Variants in PPARA observed in about 807,000 individuals in gnomAD.
The protein encoded by PPARA is peroxisome proliferator activated receptor alpha.
A neutral mutation model predicts 42.2 loss-of-function variants in PPARA; 22 were observed. That is an observed-to-expected ratio of 0.52 (90% CI 0.37 to 0.74). PPARA has a LOEUF of 0.74. PPARA is among the 30% of genes least tolerant of loss of function. PPARA has a pLI of 0.00. For missense variants in PPARA, 465 were observed against 608.2 expected (o/e 0.76, Z 2.48); for synonymous variants, 242 against 239.3 (o/e 1.01, Z -0.10).
chr22:46,212,792 T>C lies in PPARA; in HGVS notation c.209-2381T>C, dbSNP rs1407000091. ...GGGCAGATCACTTGAGGTCAGGAGT[T>C]TGAGACCAGCCTGGCCAACATGGTG... is the stretch of plus-strand genomic sequence containing the variant. On this transcript the variant is annotated intron_variant, in intron 4 of 8. Coordinates refer to ENST00000407236, the MANE Select transcript of PPARA (RefSeq NM_005036.6). The surrounding 1 kb of genome is among the most constrained non-coding windows in gnomAD (Gnocchi z 4.2). 1.3e-5 allele frequency among the ~76,000 whole-genome samples: 2 copies of C among 152,160 alleles called. 1 individual carries two copies. Among genetic ancestry groups the C allele is most frequent in the Non-Finnish European group, 2.9e-5 (2 of 68,016 alleles).
chr22:46,228,149 C>A (rs1008746546), intron 7 of PPARA, among the ~76,000 whole-genome samples: 1 of 152,216 alleles, frequency 6.6e-6, no homozygotes, highest in Admixed American at 6.5e-5. Context: ...CAGGGGCATG[C>A]AAGCTGTTTA....
rs1009575886 is a variant in PPARA at position 46,171,904 on chromosome 22, G to C, written c.-126-4849G>C. Among the ~76,000 whole-genome samples the C allele has an allele frequency of 5.9e-5, 9 of 152,172 alleles. No individual in the cohort carries two copies. Among genetic ancestry groups the C allele is most frequent in the African/African-American group, 1.9e-4 (8 of 41,444 alleles). The stretch of plus-strand genomic sequence containing the variant: ...GCTAAAAAGCCCCCTTGGGCAGCTT[G>C]CAGGGCCCGGGCAGAAGCTATAGGT... On this transcript the variant is annotated intron_variant, in intron 2 of 8. Coordinates refer to ENST00000407236, the MANE Select transcript of PPARA (RefSeq NM_005036.6). The surrounding 1 kb of genome is among the most constrained non-coding windows in gnomAD (Gnocchi z 5.0).
At chr22:46,154,022 T>C (rs1924877569) in intron 2 of PPARA, among the ~76,000 whole-genome samples, 1 of 152,202 alleles carries the variant, frequency 6.6e-6, no homozygotes, top group Non-Finnish European at 1.5e-5. Flanking sequence ...CTATATAATA[T>C]CCCATTGTGT....
rs942000329 is a variant in PPARA, at chr22:46,192,484, T to C, written c.-42-5858T>C. The stretch of plus-strand genomic sequence containing the variant: ...ATATAATTTGATGTCTACTTCCTCT[T>C]GTATTTGTCTGTTTTTAAGTGTTCT... On this transcript the variant is annotated intron_variant, in intron 3 of 8. Transcript: ENST00000407236. This position sits in a 1 kb window ranked among gnomAD's most constrained non-coding sequence, Gnocchi z 4.3. Among the ~76,000 whole-genome samples the C allele has an allele frequency of 1.3e-5, 2 of 152,246 alleles. No homozygotes were observed. Among genetic ancestry groups the C allele is most frequent in the African/African-American group, 2.4e-5 (1 of 41,470 alleles).
intron 4 of PPARA, among the ~76,000 whole-genome samples, chr22:46,208,373 C>G (rs1268713235): frequency 1.3e-5 from 2 of 151,956 alleles, no homozygotes; most frequent in Non-Finnish European, 2.9e-5. Context: ...CATGGTGAAA[C>G]CCCGTCCCTA....
chr22:46,150,789 T>A lies in PPARA; in HGVS notation c.-210+137T>A, dbSNP rs1305183550. On this transcript the variant is annotated intron_variant, in intron 1 of 8. Coordinates refer to ENST00000407236, the MANE Select transcript of PPARA (RefSeq NM_005036.6). This position sits in a 1 kb window ranked among gnomAD's most constrained non-coding sequence, Gnocchi z 7.5. ...GGCGGCGCATGCGCGGGGCCCGGGGTCTCGGGGTCTCCGGGTCCCGGGGAC... is the reference window on the plus strand; with the variant it reads ...GGCGGCGCATGCGCGGGGCCCGGGGACTCGGGGTCTCCGGGTCCCGGGGAC... 1 of 148,078 alleles carries A rather than the reference T, an allele frequency of 6.8e-6. No individual in the cohort carries two copies. Among genetic ancestry groups the A allele is most frequent in the African/African-American group, 2.5e-5 (1 of 39,828 alleles). The allele number at this position is 148,078 out of a possible 1,614,324, so 9.2% of individuals were successfully genotyped here.
intron 4 of PPARA, 81 bp from the exon 5 acceptor site, chr22:46,215,092 A>G: frequency 6.4e-7 from 1 of 1,552,368 alleles, no homozygotes; most frequent in Middle Eastern, 2.3e-4. Context: ...CTCGTATGCG[A>G]AATCACATCC....
In PPARA at chr22:46,238,834, AG is replaced by A. The variant is rs111770313; in HGVS notation, c.*3457del. The A allele has an allele frequency of 0.03, 4,552 of 152,390 alleles. 209 individuals are homozygous for A. The highest frequency in any genetic ancestry group is 0.096 in the African/African-American group (3,979 of 41,562). 9.4% of individuals were successfully genotyped at this position (152,390 alleles called of 1,614,324 possible). A position where few individuals can be genotyped will look rare whatever the true frequency, so the allele number is the denominator to read the frequency against. ...ACTTCCAGAGACCGGAGAACTGTGCAGGGCCTAAGGCCGTTTGGATGAATTG... is the reference window on the plus strand; with the variant it reads ...ACTTCCAGAGACCGGAGAACTGTGCAGGCCTAAGGCCGTTTGGATGAATTG... On this transcript the variant is annotated 3_prime_UTR_variant, in exon 9 of 9. Transcript: ENST00000407236. This position sits in a 1 kb window ranked among gnomAD's most constrained non-coding sequence, Gnocchi z 8.3.
chr22:46,153,440 G>T (rs1481441570), intron 2 of PPARA, among the ~76,000 whole-genome samples: 1 of 151,966 alleles, frequency 6.6e-6, no homozygotes, highest in Non-Finnish European at 1.5e-5. Context: ...AAGGGCTGAG[G>T]TTACAGGTGC....
rs1359081560 is a variant in PPARA, at chr22:46,150,710, G to T, written c.-210+58G>T. ...ACGCGCGCGGGGGTCCGCGGTCCGG[G>T]CTTCCCAGGTCCCGGGACCCGGAGG... is the stretch of plus-strand genomic sequence containing the variant. On this transcript the variant is annotated intron_variant, in intron 1 of 8. Transcript: ENST00000407236. This position sits in a 1 kb window ranked among gnomAD's most constrained non-coding sequence, Gnocchi z 7.5. 8 of 149,142 alleles carry T rather than the reference G, an allele frequency of 5.4e-5. No individual in the cohort carries two copies. The South Asian group carries it at 6.1e-4, about 11-fold the overall frequency. 9.2% of individuals were successfully genotyped at this position (149,142 alleles called of 1,614,324 possible). A position where few individuals can be genotyped will look rare whatever the true frequency, so the allele number is the denominator to read the frequency against.
chr22:46,225,509 G>A lies in PPARA; in HGVS notation c.711+5495G>A, dbSNP rs980696732. On this transcript the variant is annotated intron_variant, in intron 7 of 8. Transcript: ENST00000407236. This position sits in a 1 kb window ranked among gnomAD's most constrained non-coding sequence, Gnocchi z 4.1. ...GATGCACGCTCATGCACAAATGCAC[G>A]CACATACCCACACTCACACATCCGT... is the stretch of plus-strand genomic sequence containing the variant. Among the ~76,000 whole-genome samples, 13 of 152,048 alleles carry A rather than the reference G, an allele frequency of 8.5e-5. No homozygotes were observed. Among genetic ancestry groups the A allele is most frequent in the African/African-American group, 2.9e-4 (12 of 41,382 alleles).
Position 46,167,709 on chromosome 22 carries a change from G to T in PPARA, c.-126-9044G>T, listed in dbSNP as rs936664440. Among the ~76,000 whole-genome samples the T allele has an allele frequency of 6.6e-5, 10 of 152,074 alleles. No homozygotes were observed. The highest frequency in any genetic ancestry group is 1.5e-4 in the Non-Finnish European group (10 of 68,026). ...AGAAAACATATGAGAAAATTCTAGTGATTTGGGGTTTGGCAAAGATTCCTT... is the reference window on the plus strand; with the variant it reads ...AGAAAACATATGAGAAAATTCTAGTTATTTGGGGTTTGGCAAAGATTCCTT... On this transcript the variant is annotated intron_variant, in intron 2 of 8. Coordinates refer to ENST00000407236, the MANE Select transcript of PPARA (RefSeq NM_005036.6). The surrounding 1 kb of genome is among the most constrained non-coding windows in gnomAD (Gnocchi z 4.1).
At position 46,231,726 on chromosome 22, in the gene PPARA, G is replaced by A. The variant is rs1935885290; in HGVS notation, c.712-66G>A. The A allele has an allele frequency of 6.6e-7, 1 of 1,507,720 alleles. No individual in the cohort carries two copies. Among genetic ancestry groups the A allele is most frequent in the Non-Finnish European group, 9.1e-7 (1 of 1,097,570 alleles). The allele number at this position is 1,507,720 out of a possible 1,614,324, so 93.4% of individuals were successfully genotyped here. ...TTGGACGCAGGAGCTGCTCATTAGTGAGCTGATAGCTGGGAGCATAGCGCA... is the reference window on the plus strand; with the variant it reads ...TTGGACGCAGGAGCTGCTCATTAGTAAGCTGATAGCTGGGAGCATAGCGCA... On this transcript the variant is annotated intron_variant, in intron 7 of 8. Coordinates refer to ENST00000407236, the MANE Select transcript of PPARA (RefSeq NM_005036.6). The surrounding 1 kb of genome is among the most constrained non-coding windows in gnomAD (Gnocchi z 7.7).
chr22:46,221,053 G>A lies in PPARA; in HGVS notation c.711+1039G>A, dbSNP rs912876394. On this transcript the variant is annotated intron_variant, in intron 7 of 8. Coordinates refer to ENST00000407236, the MANE Select transcript of PPARA (RefSeq NM_005036.6). This position sits in a 1 kb window ranked among gnomAD's most constrained non-coding sequence, Gnocchi z 5.9. ...TAAAGAAAAGAGGTTTAATTGGCTC[G>A]TGGCCCACAAGGCTGTACAGGAAGC... Among the ~76,000 whole-genome samples the A allele has an allele frequency of 3.7e-5, 5 of 136,690 alleles. No homozygotes were observed. Among genetic ancestry groups the A allele is most frequent in the Non-Finnish European group, 7.7e-5 (5 of 64,858 alleles). The allele number at this position is 136,690 out of a possible 152,430, so 89.7% of individuals were successfully genotyped here.
chr22:46,214,768 C>T (rs553711421), intron 4 of PPARA, among the ~76,000 whole-genome samples: 5 of 142,470 alleles, frequency 3.5e-5, no homozygotes, highest in African/African-American at 1.3e-4. Flanking sequence ...TCCGGAGATG[C>T]GCGGGGCGGA....
rs934605980 is a variant in PPARA at position 46,191,629 on chromosome 22, G to T, written c.-42-6713G>T. Among the ~76,000 whole-genome samples the T allele has an allele frequency of 1.3e-5, 2 of 152,026 alleles. No homozygotes were observed. Among genetic ancestry groups the T allele is most frequent in the African/African-American group, 4.8e-5 (2 of 41,410 alleles). Reference sequence around the variant, plus strand: ...ATCCATTACATTTTTGTAGTCTTCGGACACACTGTGTGTGCCGCTTTGCCC... The same window carrying T: ...ATCCATTACATTTTTGTAGTCTTCGTACACACTGTGTGTGCCGCTTTGCCC... On this transcript the variant is annotated intron_variant, in intron 3 of 8. Transcript: ENST00000407236. This position sits in a 1 kb window ranked among gnomAD's most constrained non-coding sequence, Gnocchi z 4.6.
At position 46,180,464 on chromosome 22, in the gene PPARA, G is replaced by A. The variant is rs1929791680; in HGVS notation, c.-43+3628G>A. On this transcript the variant is annotated intron_variant, in intron 3 of 8. Coordinates refer to ENST00000407236, the MANE Select transcript of PPARA (RefSeq NM_005036.6). The surrounding 1 kb of genome is among the most constrained non-coding windows in gnomAD (Gnocchi z 4.2). ...TTGTGTGAAACATTAATCTTATCTA[G>A]CCTCCATGTATTTTGTAAGTTCTGT... 6.6e-6 allele frequency among the ~76,000 whole-genome samples: 1 copy of A among 152,150 alleles called. No homozygotes were observed. Among genetic ancestry groups the A allele is most frequent in the South Asian group, 2.1e-4 (1 of 4,818 alleles).
At position 46,168,208 on chromosome 22, in the gene PPARA, C is replaced by T. The variant is rs1158474890; in HGVS notation, c.-126-8545C>T. On this transcript the variant is annotated intron_variant, in intron 2 of 8. Coordinates refer to ENST00000407236, the MANE Select transcript of PPARA (RefSeq NM_005036.6). ...TCTACTAAAAATACAAAAAATTAGC[C>T]GGACGTGGTGGTAGGCGCCTGTAGT... Among the ~76,000 whole-genome samples the T allele has an allele frequency of 3.3e-5, 5 of 150,920 alleles. No individual in the cohort carries two copies. The East Asian group carries it at 7.8e-4, about 23-fold the overall frequency.
chr22:46,212,801 G>C lies in PPARA; in HGVS notation c.209-2372G>C, dbSNP rs923657723. Among the ~76,000 whole-genome samples, 1 of 152,070 alleles carries C rather than the reference G, an allele frequency of 6.6e-6. No homozygotes were observed. The highest frequency in any genetic ancestry group is 2.4e-5 in the African/African-American group (1 of 41,422). Reference sequence around the variant, plus strand: ...ACTTGAGGTCAGGAGTTTGAGACCAGCCTGGCCAACATGGTGAAACGCTGT... The same window carrying C: ...ACTTGAGGTCAGGAGTTTGAGACCACCCTGGCCAACATGGTGAAACGCTGT... On this transcript the variant is annotated intron_variant, in intron 4 of 8. Coordinates refer to ENST00000407236, the MANE Select transcript of PPARA (RefSeq NM_005036.6). This position sits in a 1 kb window ranked among gnomAD's most constrained non-coding sequence, Gnocchi z 4.2.
Sources: gnomAD v4.1 joint callset for allele counts (sites outside exome capture counted in the v4.1 genomes callset) on GRCh38, gnomAD v4.1.1 for gene constraint, Gnocchi (gnomAD v3.1) non-coding constraint, MANE v1.5 for transcripts, NCBI Gene and HGNC (gene_info 2026-07-23, HGNC 2026-07-21) for gene names.